Variants in ZNF638 observed in about 807,000 individuals in gnomAD.
ZNF638 encodes the protein CTCL tumor antigen se33-1.
ZNF638 carries 46 observed loss-of-function variants against 195.6 expected under a neutral mutation model. That is an observed-to-expected ratio of 0.24 (90% CI 0.19 to 0.30). The LOEUF is 0.30. Ranked by LOEUF, ZNF638 falls within the 10% of genes least tolerant of loss-of-function variation. The pLI, the probability that ZNF638 is intolerant of heterozygous loss-of-function variation, is 1.00. For synonymous variants in ZNF638, 845 were observed against 772.0 expected (o/e 1.09, Z -1.57); for missense variants, 2,440 against 2,325.3 (o/e 1.05, Z -1.01).
intron 4 of ZNF638, among the ~76,000 whole-genome samples, chr2:71,363,691 G>A (rs886843284): frequency 6.6e-6 from 1 of 152,158 alleles, no homozygotes; most frequent in Non-Finnish European, 1.5e-5. Flanking sequence ...AAAAACCAGA[G>A]AAATTCATTA....
At chr2:71,403,710 G>T in intron 16 of ZNF638, 160 bp from the exon 17 acceptor site, 1 of 448,430 alleles carries the variant, frequency 2.2e-6, no homozygotes, top group Non-Finnish European at 3.9e-6. Flanking sequence ...TTAGTCTTTG[G>T]GCCTCAATTT....
chr2:71,339,164 T>A (rs2078721352), intron 1 of ZNF638, among the ~76,000 whole-genome samples: 1 of 139,376 alleles, frequency 7.2e-6, no homozygotes, highest in South Asian at 2.2e-4. Context: ...TTTTTTTTTT[T>A]TTTTATTGAG....
At chr2:71,428,103 G>T (rs1050217046) in intron 24 of ZNF638, among the ~76,000 whole-genome samples, 33 of 152,094 alleles carry the variant, frequency 2.2e-4, no homozygotes, top group African/African-American at 8.0e-4. Context: ...GAGGCTAGAG[G>T]ATCGCTTGAG....
chr2:71,365,575 C>A lies in ZNF638; in HGVS notation c.1864C>A (p.Pro622Thr). 3 of 1,614,110 alleles carry A rather than the reference C, an allele frequency of 1.9e-6. No individual in the cohort carries two copies. Among genetic ancestry groups the A allele is most frequent in the Non-Finnish European group, 2.5e-6 (3 of 1,180,018 alleles). ...TSSGTKPSVK[P>T]TSATKSDSNL... The stretch of plus-strand genomic sequence containing the variant: ...CAGTGGAACAAAACCATCAGTTAAA[C>A]CTACAAGCGCTACAAAGAGTGATTC... Residue 622 changes from proline to threonine, a missense_variant, in exon 6 of 28, where the codon CCT (proline) becomes ACT (threonine). Physicochemically the swap from Pro to Thr is conservative, Grantham distance 38 (BLOSUM62 -1). This residue lies in a region of ZNF638 where 1,883 missense variants were observed against 1,739.1 expected (regional missense o/e 1.08). Coordinates refer to ENST00000264447, the MANE Select transcript of ZNF638 (RefSeq NM_014497.5).
chr2:71,371,707 T>C (rs398044150), intron 8 of ZNF638, among the ~76,000 whole-genome samples: 39,265 of 150,516 alleles, frequency 0.26, 6,992 homozygotes, highest in African/African-American at 0.49. Context: ...TATTAGTTTT[T>C]TTTTTTCCTG....
chr2:71,422,773 TTTTG>T (rs1455662572), intron 21 of ZNF638, 37 bp from the exon 22 acceptor site: 16 of 1,567,004 alleles, frequency 1.0e-5, no homozygotes, highest in African/African-American at 1.4e-5. Flanking sequence ...TTGTTTGTGT[TTTTG>T]TTTGTGTTCT....
chr2:71,336,724 CAG>C (rs2078677810), intron 1 of ZNF638, among the ~76,000 whole-genome samples: 1 of 152,022 alleles, frequency 6.6e-6, no homozygotes, highest in South Asian at 2.1e-4. Context: ...GCAGTGGGAC[CAG>C]AGTTATTTCA....
rs938075208 is a variant in ZNF638 at position 71,405,471 on chromosome 2, GCTT to G, written c.2959-126_2959-124del. 6.7e-6 allele frequency: 4 copies of G among 597,170 alleles called. No homozygotes were observed. In the East Asian group the frequency reaches 1.0e-4, roughly 15 times the overall value. 37.0% of individuals were successfully genotyped at this position (597,170 alleles called of 1,614,324 possible). On this transcript the variant is annotated intron_variant, in intron 17 of 27. Transcript: ENST00000264447. The stretch of plus-strand genomic sequence containing the variant: ...TTTTGGAAAGAATGTAAATCTTGCT[GCTT>G]CTTAATTTTATAAAATACTTTGTAA...
At chr2:71,358,533 C>G (rs2079060164) in intron 3 of ZNF638, among the ~76,000 whole-genome samples, 1 of 152,214 alleles carries the variant, frequency 6.6e-6, no homozygotes, top group South Asian at 2.1e-4. Context: ...CTGGCATCCT[C>G]TGGGTCAGTT....
chr2:71,334,964 T>C lies in ZNF638; in HGVS notation c.-203+3089T>C, dbSNP rs373503446. ...AAACTCCGGTGAGGGTTAAGAATAA[T>C]AAGGGTTTTGGTTTGAAAAGAAAGT... On this transcript the variant is annotated intron_variant, in intron 1 of 27. Coordinates refer to ENST00000264447, the MANE Select transcript of ZNF638 (RefSeq NM_014497.5). Among the ~76,000 whole-genome samples, 6 of 151,248 alleles carry C rather than the reference T, an allele frequency of 4.0e-5. No homozygotes were observed. The South Asian group carries it at 8.3e-4, about 21-fold the overall frequency.
chr2:71,407,058 A>G (rs996094009), intron 19 of ZNF638, among the ~76,000 whole-genome samples: 1 of 152,126 alleles, frequency 6.6e-6, no homozygotes, highest in Non-Finnish European at 1.5e-5. Context: ...AAAATTATTC[A>G]TTTATTTACA....
At chr2:71,382,369 A>G (rs1273243793) in intron 10 of ZNF638, among the ~76,000 whole-genome samples, 1 of 152,198 alleles carries the variant, frequency 6.6e-6, no homozygotes, top group African/African-American at 2.4e-5. Context: ...ATAAATGTAG[A>G]AAGAAAAAGG....
At chr2:71,387,707 C>G (rs2079672972) in intron 10 of ZNF638, among the ~76,000 whole-genome samples, 1 of 151,342 alleles carries the variant, frequency 6.6e-6, no homozygotes, top group African/African-American at 2.4e-5. Context: ...GCAGTTGGAT[C>G]AAAGATTTAC....
At chr2:71,391,811 G>A (rs1252349922) in intron 10 of ZNF638, among the ~76,000 whole-genome samples, 1 of 152,110 alleles carries the variant, frequency 6.6e-6, no homozygotes, top group Non-Finnish European at 1.5e-5. Context: ...GACTCACCCA[G>A]GTATTTAACC....
At chr2:71,332,039 G>C (rs1236842412) in intron 1 of ZNF638, among the ~76,000 whole-genome samples, 164 bp downstream of exon 1, 1 of 152,190 alleles carries the variant, frequency 6.6e-6, no homozygotes, top group African/African-American at 2.4e-5. Flanking sequence ...AGGAGGTTGG[G>C]GGACCCCCGG....
chr2:71,376,738 A>G (rs371544379), intron 8 of ZNF638, among the ~76,000 whole-genome samples: 16 of 152,050 alleles, frequency 1.1e-4, no homozygotes, highest in African/African-American at 3.6e-4. Flanking sequence ...CTATATCCCT[A>G]TGTTAATATG....
Position 71,349,530 on chromosome 2 carries a change from G to A in ZNF638, c.576G>A (p.Gln192=), listed in dbSNP as rs1329786638. 1 of 1,614,026 alleles carries A rather than the reference G, an allele frequency of 6.2e-7. No homozygotes were observed. Among genetic ancestry groups the A allele is most frequent in the Non-Finnish European group, 8.5e-7 (1 of 1,180,040 alleles). ...MGRRLPNLPS[Q]SRNKETLGSE... ...GCCGATTACCTAATTTACCTTCTCAGAGCAGAAATAAAGAAACACTTGGTA... is the reference window on the plus strand; with the variant it reads ...GCCGATTACCTAATTTACCTTCTCAAAGCAGAAATAAAGAAACACTTGGTA... Residue 192 remains glutamine (Q), a synonymous_variant, in exon 2 of 28, where the codon CAG becomes CAA. Coordinates refer to ENST00000264447, the MANE Select transcript of ZNF638 (RefSeq NM_014497.5).
intron 3 of ZNF638, among the ~76,000 whole-genome samples, chr2:71,358,478 G>A (rs186071480): frequency 5.2e-4 from 79 of 152,288 alleles, no homozygotes; most frequent in Non-Finnish European, 9.1e-4. Context: ...GTGTGTATTA[G>A]CACCTGTATG....
intron 6 of ZNF638, 85 bp downstream of exon 6, chr2:71,365,791 C>A: frequency 7.8e-7 from 1 of 1,280,820 alleles, no homozygotes; most frequent in Non-Finnish European, 1.1e-6. Flanking sequence ...ACAAGCATGG[C>A]TCACTGCAGC....
Sources: allele counts gnomAD v4.1 joint callset (sites outside exome capture counted in the v4.1 genomes callset), GRCh38; gene constraint gnomAD v4.1.1; regional missense constraint gnomAD v4.1.1; transcripts MANE v1.5; gene names NCBI Gene and HGNC (gene_info 2026-07-23, HGNC 2026-07-21).